The following TBX10 variants were observed in gnomAD, a reference collection of about 807,000 sequenced individuals.
TBX10 encodes the protein T-box transcription factor TBX10.
A neutral mutation model predicts 32.4 loss-of-function variants in TBX10; 26 were observed. The ratio of observed to expected loss-of-function variants is 0.80; its 90% CI spans 0.59 to 1.11. The LOEUF is 1.11. Ranked by LOEUF, TBX10 falls within the 50% of genes most tolerant of loss-of-function variation. The pLI is 0.00. For missense variants in TBX10, 490 were observed against 494.5 expected (o/e 0.99, Z 0.09); for synonymous variants, 195 against 203.1 (o/e 0.96, Z 0.34).
chr11:67,639,297 C>T lies in TBX10; in HGVS notation c.7+169G>A, dbSNP rs574267104. On this transcript the variant is annotated intron_variant, in intron 1 of 7. Transcript: ENST00000335385. ...TCTCCCATAATTGCACTTGGGCAGC[C>T]GTGAGCCCTGTCCCGTTGGGATCTC... Among the ~76,000 whole-genome samples, 7 of 152,294 alleles carry T rather than the reference C, an allele frequency of 4.6e-5. No homozygotes were observed. The East Asian group carries it at 9.7e-4, about 21-fold the overall frequency.
Position 67,631,831 on chromosome 11 carries a change from G to T in TBX10, c.932C>A (p.Pro311His), listed in dbSNP as rs758596700. ...CGGGGCCAGCAGGACCTCAGGTGGG[G>T]GCAGCAGCTGATGATGGAGCCAAGC... is the stretch of plus-strand genomic sequence containing the variant. ...TPAWLHHQLLPPPEVLLAPAT... is the reference protein window; with the variant it reads ...TPAWLHHQLLHPPEVLLAPAT... The change falls in exon 8 of 8, where the codon CCC becomes CAC. Residue 311 changes from proline (P) to histidine (H), a missense_variant. Physicochemically the swap from Pro to His is moderately conservative, Grantham distance 77. This residue lies in a region of TBX10 where 177 missense variants were observed against 176.6 expected (regional missense o/e 1.00). Coordinates refer to ENST00000335385, the MANE Select transcript of TBX10 (RefSeq NM_005995.5). The T allele has an allele frequency of 1.3e-6, 2 of 1,583,308 alleles. No individual in the cohort carries two copies. The highest frequency in any genetic ancestry group is 1.7e-6 in the Non-Finnish European group (2 of 1,165,198).
intron 1 of TBX10, among the ~76,000 whole-genome samples, chr11:67,639,250 C>T (rs925477608): frequency 2.0e-5 from 3 of 152,186 alleles, no homozygotes; most frequent in African/African-American, 4.8e-5. Context: ...GCTCATCTCC[C>T]GGAACAGCCT....
Position 67,635,110 on chromosome 11 carries a change from C to T in TBX10, c.161G>A (p.Gly54Glu). Residue 54 changes from glycine (G) to glutamate (E), a missense_variant, in exon 2 of 8, where the codon GGG becomes GAG. Gly to Glu is a moderately conservative substitution (Grantham distance 98, BLOSUM62 -2). Coordinates refer to ENST00000335385, the MANE Select transcript of TBX10 (RefSeq NM_005995.5). Reference sequence around the variant, plus strand: ...CACACGTGGGTTCTTGGGGCCCTGCCCAGTGGGCTCGGCCACAGCTTGGGC... The same window carrying T: ...CACACGTGGGTTCTTGGGGCCCTGCTCAGTGGGCTCGGCCACAGCTTGGGC... Reference protein sequence around the residue: ...TGAQAVAEPTGQGPKNPRVSR... With the variant: ...TGAQAVAEPTEQGPKNPRVSR... The T allele has an allele frequency of 1.9e-6, 3 of 1,613,848 alleles. No homozygotes were observed. Among genetic ancestry groups the T allele is most frequent in the Admixed American group, 1.7e-5 (1 of 60,034 alleles).
chr11:67,639,393 T>TTCCCCCCCCCCCCCCCCC, intron 1 of TBX10, 73 bp downstream of exon 1: 18 of 726,900 alleles, frequency 2.5e-5, no homozygotes, highest in Non-Finnish European at 3.5e-5. Context: ...CTGTCTTGGT[T>TTCCCCCCCCCCCCCCCCC]CCCACCCTGC....
In TBX10 at chr11:67,631,707, G is replaced by A. The variant is rs1294149112; in HGVS notation, c.1056C>T (p.Asn352=). The A allele has an allele frequency of 1.2e-6, 2 of 1,609,658 alleles. No individual in the cohort carries two copies. The highest frequency in any genetic ancestry group is 1.7e-6 in the Non-Finnish European group (2 of 1,178,592). ...RTRPAPYPLP[N]IRADRDQGGL... ...CTCCTTGATCCCTATCAGCCCGGATGTTGGGGAGGGGGTATGGTGCTGGTC... is the reference window on the plus strand; with the variant it reads ...CTCCTTGATCCCTATCAGCCCGGATATTGGGGAGGGGGTATGGTGCTGGTC... The change falls in exon 8 of 8, where the codon AAC becomes AAT. Residue 352 remains asparagine, a synonymous_variant. Transcript: ENST00000335385.
intron 4 of TBX10, among the ~76,000 whole-genome samples, 196 bp from the exon 5 acceptor site, chr11:67,633,299 A>G (rs554416403): frequency 6.6e-4 from 101 of 152,084 alleles, no homozygotes; most frequent in Non-Finnish European, 1.4e-3. Flanking sequence ...CCTTGCCTCC[A>G]TGTCCTCTCA....
At chr11:67,637,418 G>C (rs1465238628) in intron 1 of TBX10, among the ~76,000 whole-genome samples, 5 of 152,150 alleles carry the variant, frequency 3.3e-5, no homozygotes, top group African/African-American at 4.8e-5. Flanking sequence ...AGAGTACACC[G>C]AACAAAGGAG....
intron 1 of TBX10, among the ~76,000 whole-genome samples, chr11:67,638,664 C>T (rs758668097): frequency 6.6e-6 from 1 of 152,188 alleles, no homozygotes; most frequent in African/African-American, 2.4e-5. Flanking sequence ...GCCACGTCCT[C>T]AGCAGCCCTG....
chr11:67,639,006 C>T (rs775266597), intron 1 of TBX10, among the ~76,000 whole-genome samples: 4 of 152,200 alleles, frequency 2.6e-5, no homozygotes, highest in Non-Finnish European at 4.4e-5. Context: ...CGCTGCCCGT[C>T]GCAGCCAATG....
intron 5 of TBX10, 84 bp downstream of exon 5, chr11:67,632,864 C>T (rs1855259831): frequency 6.2e-7 from 1 of 1,607,822 alleles, no homozygotes; most frequent in African/African-American, 1.3e-5. Flanking sequence ...TAGTCTGTGC[C>T]AGTGAGGGCT....
At chr11:67,640,925 G>A (rs778606226), upstream of TBX10, among the ~76,000 whole-genome samples, 11 of 152,296 alleles carry the variant, frequency 7.2e-5, no homozygotes, top group Middle Eastern at 3.4e-3. Context: ...CGGTGGGCTG[G>A]CTCTGGGGGA....
chr11:67,639,401 T>TGCCC (rs2134103139), intron 1 of TBX10, 65 bp downstream of exon 1: 1 of 210,022 alleles, frequency 4.8e-6, no homozygotes, highest in African/African-American at 6.2e-5. Context: ...GTTCCCACCC[T>TGCCC]GCCCACCCAC....
chr11:67,640,015 C>A (rs756137871), upstream of TBX10, among the ~76,000 whole-genome samples: 1 of 152,192 alleles, frequency 6.6e-6, no homozygotes, highest in African/African-American at 2.4e-5. Context: ...TTGGGAGGCA[C>A]AGTGGGAGCA....
At chr11:67,639,397 A>AG in intron 1 of TBX10, 69 bp downstream of exon 1, 1 of 381,860 alleles carries the variant, frequency 2.6e-6, no homozygotes, top group South Asian at 2.5e-5. Flanking sequence ...CTTGGTTCCC[A>AG]CCCTGCCCAC....
rs141184933 is a variant in TBX10, at chr11:67,634,847, C to T, written c.346G>A (p.Asp116Asn). Reference sequence around the variant, plus strand: ...CTCTTGTCGTCCAGGGGGATGAAGTCCATGAGCAGGGCGTAGTCGGCCAGG... The same window carrying T: ...CTCTTGTCGTCCAGGGGGATGAAGTTCATGAGCAGGGCGTAGTCGGCCAGG... Reference protein sequence around the residue: ...DSLADYALLMDFIPLDDKRYR... With the variant: ...DSLADYALLMNFIPLDDKRYR... Residue 116 changes from aspartate (D) to asparagine (N), a missense_variant, in exon 3 of 8, where the codon GAC becomes AAC. Around this residue, in one of 3 missense-constraint regions of TBX10, gnomAD observed 307 missense variants for 294.9 expected, o/e 1.04. Transcript: ENST00000335385. The T allele has an allele frequency of 1.2e-6, 2 of 1,613,406 alleles. No individual in the cohort carries two copies. The highest frequency in any genetic ancestry group is 2.7e-5 in the African/African-American group (2 of 74,926).
In TBX10 at chr11:67,631,775, G is replaced by T; in HGVS notation, c.988C>A (p.Leu330Met). Residue 330 changes from leucine (L) to methionine (M), a missense_variant, in exon 8 of 8, where the codon CTG becomes ATG. Coordinates refer to ENST00000335385, the MANE Select transcript of TBX10 (RefSeq NM_005995.5). Reference protein sequence around the residue: ...ATYRPVTYQSLYSGAPSHLGI... With the variant: ...ATYRPVTYQSMYSGAPSHLGI... The stretch of plus-strand genomic sequence containing the variant: ...AGGTGGCTCGGGGCTCCAGAGTACA[G>T]GCTCTGATACGTGACAGGCCTGTAG... 6.2e-7 allele frequency: 1 copy of T among 1,603,856 alleles called. No homozygotes were observed. Among genetic ancestry groups the T allele is most frequent in the Non-Finnish European group, 8.5e-7 (1 of 1,175,722 alleles).
At position 67,632,969 on chromosome 11, in the gene TBX10, C is replaced by G. The variant is rs765645092; in HGVS notation, c.684G>C (p.Val228=). Residue 228 remains valine, a synonymous_variant, in exon 5 of 8, where the codon GTG becomes GTC. Coordinates refer to ENST00000335385, the MANE Select transcript of TBX10 (RefSeq NM_005995.5). ...FIFTETQFTA[V]TAYQNHRITQ... is the part of the protein sequence containing the mutation. ...CCACCCTGTGGTTCTGATAGGCTGTCACTGCTGTGAACTGGGTCTCTGTGA... is the reference window on the plus strand; with the variant it reads ...CCACCCTGTGGTTCTGATAGGCTGTGACTGCTGTGAACTGGGTCTCTGTGA... The G allele has an allele frequency of 4.3e-6, 7 of 1,614,220 alleles. No individual in the cohort carries two copies. The East Asian group carries it at 1.3e-4, about 31-fold the overall frequency.
chr11:67,641,172 G>T (rs540756927), upstream of TBX10, among the ~76,000 whole-genome samples: 1 of 151,984 alleles, frequency 6.6e-6, no homozygotes, highest in East Asian at 1.9e-4. Context: ...CAGTACTGGT[G>T]GCTCCCCTTC....
rs60139069 is a variant in TBX10 at position 67,636,073 on chromosome 11, CTT to C, written c.8-812_8-811del. On this transcript the variant is annotated intron_variant, in intron 1 of 7. Coordinates refer to ENST00000335385, the MANE Select transcript of TBX10 (RefSeq NM_005995.5). ...TAAGGAGATGGAAAAATTAGAACTC[CTT>C]TTTTTTTTTTTTTTTTTTTTTGAGG... 7.7e-4 allele frequency among the ~76,000 whole-genome samples: 75 copies of C among 98,000 alleles called. No individual in the cohort carries two copies. The Middle Eastern group carries it at 0.018, about 24-fold the overall frequency. The allele number at this position is 98,000 out of a possible 152,430, so 64.3% of individuals were successfully genotyped here. A position where few individuals can be genotyped will look rare whatever the true frequency, so the allele number is the denominator to read the frequency against.
Sources: allele counts gnomAD v4.1 joint callset (sites outside exome capture counted in the v4.1 genomes callset), GRCh38; gene constraint gnomAD v4.1.1; regional missense constraint gnomAD v4.1.1; transcripts MANE v1.5; gene names NCBI Gene and HGNC (gene_info 2026-07-23, HGNC 2026-07-21).